The following PPFIA2 variants were observed in gnomAD, a reference collection of about 807,000 sequenced individuals.
The protein encoded by PPFIA2 is PPFI scaffold protein A2, also known as liprin-alpha-2.
Under a neutral mutation model 175.5 loss-of-function variants are expected in PPFIA2, and 46 were observed. The ratio of observed to expected loss-of-function variants is 0.26; its 90% CI spans 0.21 to 0.34. The LOEUF (loss-of-function observed/expected upper bound fraction) is 0.34, where lower values mean the gene tolerates loss of function less well. Among genes scored for constraint, PPFIA2 ranks in the 10% least tolerant of loss-of-function variants. PPFIA2 has a pLI of 1.00. For missense variants in PPFIA2, 1,179 were observed against 1,506.1 expected (o/e 0.78, Z 3.60); for synonymous variants, 568 against 511.4 (o/e 1.11, Z -1.49).
intron 4 of PPFIA2, among the ~76,000 whole-genome samples, chr12:81,651,199 A>C (rs764216317): frequency 9.3e-4 from 142 of 152,334 alleles, no homozygotes; most frequent in East Asian, 7.7e-4. Context: ...ATTCCAAAGC[A>C]GAGAAAAGTG....
intron 3 of PPFIA2, among the ~76,000 whole-genome samples, chr12:81,752,996 G>T: frequency 6.6e-6 from 1 of 150,460 alleles, no homozygotes; most frequent in East Asian, 2.0e-4. Flanking sequence ...GTGCAGTGGC[G>T]TGATCTTGGC....
chr12:81,522,786 C>A (rs1555453488), intron 4 of PPFIA2, among the ~76,000 whole-genome samples: 2 of 152,156 alleles, frequency 1.3e-5, no homozygotes, highest in Non-Finnish European at 2.9e-5. Context: ...GCTTTGACTG[C>A]AAAAACTTTA....
At chr12:81,594,835 C>A (rs2059070865) in intron 4 of PPFIA2, among the ~76,000 whole-genome samples, 1 of 152,072 alleles carries the variant, frequency 6.6e-6, no homozygotes, top group Non-Finnish European at 1.5e-5. Context: ...ATCGCTTGAG[C>A]CTGGGAGGCT....
At chr12:81,500,819 T>G (rs1486771908) in intron 4 of PPFIA2, among the ~76,000 whole-genome samples, 6 of 152,184 alleles carry the variant, frequency 3.9e-5, no homozygotes, top group Non-Finnish European at 8.8e-5. Context: ...TTCCTGAATT[T>G]TATCTGTTAA....
intron 22 of PPFIA2, among the ~76,000 whole-genome samples, chr12:81,324,405 G>C (rs1202935553): frequency 1.3e-5 from 2 of 151,940 alleles, no homozygotes; most frequent in Non-Finnish European, 2.9e-5. Flanking sequence ...TGTGAAAGCT[G>C]TTCAGATTGC....
In PPFIA2 at chr12:81,702,748, T is replaced by A. The variant is rs1394029274; in HGVS notation, c.250-25904A>T. ...CATATTTTGAACCCCTAAATCCCAA[T>A]GCGATCATATTAGAAGACAGAGTGT... is the stretch of plus-strand genomic sequence containing the variant. On this transcript the variant is annotated intron_variant, in intron 3 of 32. Coordinates refer to ENST00000549396, the MANE Select transcript of PPFIA2 (RefSeq NM_003625.5). Among the ~76,000 whole-genome samples the A allele has an allele frequency of 2.6e-5, 4 of 152,218 alleles. No individual in the cohort carries two copies. In the South Asian group the frequency reaches 8.3e-4, roughly 32 times the overall value.
intron 4 of PPFIA2, among the ~76,000 whole-genome samples, chr12:81,615,542 G>A (rs1335913405): frequency 6.6e-6 from 1 of 152,126 alleles, no homozygotes; most frequent in African/African-American, 2.4e-5. Flanking sequence ...GCTAACATTG[G>A]AGGAAGACCA....
intron 4 of PPFIA2, among the ~76,000 whole-genome samples, chr12:81,500,260 C>T (rs998777498): frequency 2.6e-5 from 4 of 152,160 alleles, no homozygotes; most frequent in Non-Finnish European, 5.9e-5. Context: ...CTGGCCCAAA[C>T]TCTGACCTCA....
At chr12:81,450,525 G>A (rs574182138) in intron 5 of PPFIA2, among the ~76,000 whole-genome samples, 1 of 152,198 alleles carries the variant, frequency 6.6e-6, no homozygotes, top group East Asian at 1.9e-4. Flanking sequence ...GTTCTTTGTA[G>A]ATTCTGGATA....
At chr12:81,315,666 A>G (rs1203451142) in intron 22 of PPFIA2, among the ~76,000 whole-genome samples, 1 of 151,732 alleles carries the variant, frequency 6.6e-6, no homozygotes, top group Non-Finnish European at 1.5e-5. Flanking sequence ...GTAATGAACA[A>G]CAATGGAAGC....
chr12:81,571,482 A>T (rs2072533607), intron 4 of PPFIA2, among the ~76,000 whole-genome samples: 1 of 152,050 alleles, frequency 6.6e-6, no homozygotes, highest in Non-Finnish European at 1.5e-5. Flanking sequence ...ACTGGGAAGC[A>T]GACTCCTTGG....
chr12:81,716,899 G>C (rs1012118498), intron 3 of PPFIA2, among the ~76,000 whole-genome samples: 4 of 151,320 alleles, frequency 2.6e-5, no homozygotes, highest in Non-Finnish European at 5.9e-5. Context: ...CAGAAAAAAG[G>C]AAGTTCCCAC....
intron 16 of PPFIA2, among the ~76,000 whole-genome samples, chr12:81,354,678 C>G (rs940730511): frequency 6.6e-6 from 1 of 151,486 alleles, no homozygotes; most frequent in Non-Finnish European, 1.5e-5. Context: ...GAGTCTTGCT[C>G]TGTTGCCCAG....
intron 3 of PPFIA2, among the ~76,000 whole-genome samples, chr12:81,694,222 C>A (rs150591406): frequency 6.6e-6 from 1 of 152,250 alleles, no homozygotes; most frequent in Non-Finnish European, 1.5e-5. Flanking sequence ...GACCCAAGTG[C>A]TGATAGCCAA....
chr12:81,415,632 T>G (rs1416324640), intron 7 of PPFIA2, among the ~76,000 whole-genome samples: 1 of 150,700 alleles, frequency 6.6e-6, no homozygotes, highest in East Asian at 1.9e-4. Flanking sequence ...AAAGAAATCT[T>G]CCTAAAACAG....
At position 81,708,780 on chromosome 12, in the gene PPFIA2, C is replaced by T. The variant is rs78856332; in HGVS notation, c.250-31936G>A. On this transcript the variant is annotated intron_variant, in intron 3 of 32. Transcript: ENST00000549396. ...AATACTAATGAACATAATCACTGGG[C>T]CCTTAATGGAAGATGTCTGCTAATT... Among the ~76,000 whole-genome samples the T allele has an allele frequency of 7.4e-3, 1,125 of 152,170 alleles. 21 individuals are homozygous for T. Among genetic ancestry groups the T allele is most frequent in the African/African-American group, 0.026 (1,070 of 41,522 alleles).
In PPFIA2 at chr12:81,347,509, G is replaced by T. The variant is rs201060101; in HGVS notation, c.2232+24C>A. 3.3e-4 allele frequency: 518 copies of T among 1,556,080 alleles called. 1 individual carries two copies. The highest frequency in any genetic ancestry group is 6.7e-4 in the Middle Eastern group (4 of 5,950). On this transcript the variant is annotated intron_variant, in intron 18 of 32. Coordinates refer to ENST00000549396, the MANE Select transcript of PPFIA2 (RefSeq NM_003625.5). ...ATCATTAATCTTAACAGGAGGCAAA[G>T]GTTCTCTGGACACATCACCATACCA...
chr12:81,631,469 A>G (rs1922413), intron 4 of PPFIA2, among the ~76,000 whole-genome samples: 137,622 of 152,124 alleles, frequency 0.9, 62,523 homozygotes, highest in East Asian at 1. Flanking sequence ...TAACCCCAAG[A>G]TCCGATGATA....
chr12:81,756,632 G>A lies in PPFIA2; in HGVS notation c.-3+1768C>T, dbSNP rs1032074835. ...AGTTACTTTACATGTTAAAACTTTA[G>A]TTCTCTCTTTCATGAAAGAGGGCCA... On this transcript the variant is annotated intron_variant, in intron 2 of 32. Transcript: ENST00000549396. Among the ~76,000 whole-genome samples the A allele has an allele frequency of 2.6e-5, 4 of 152,050 alleles. No homozygotes were observed. The East Asian group carries it at 7.7e-4, about 29-fold the overall frequency.
Sources: gnomAD v4.1 joint callset for allele counts (sites outside exome capture counted in the v4.1 genomes callset) on GRCh38, gnomAD v4.1.1 for gene constraint, MANE v1.5 for transcripts, NCBI Gene and HGNC (gene_info 2026-07-23, HGNC 2026-07-21) for gene names.